CEP250: variants seen among roughly 807,000 people sequenced by gnomAD.
The protein encoded by CEP250 is centrosome-associated protein CEP250.
A neutral mutation model predicts 315.7 loss-of-function variants in CEP250; 242 were observed. The observed-to-expected ratio is 0.77, with a 90% CI of 0.69 to 0.85. The LOEUF (loss-of-function observed/expected upper bound fraction) is 0.85. CEP250 is among the 40% of genes least tolerant of loss of function. The pLI, the probability that CEP250 is intolerant of heterozygous loss-of-function variation, is 0.00. For missense variants in CEP250, 2,515 were observed against 2,886.4 expected, an observed-to-expected ratio of 0.87 and a Z score of 2.95; for synonymous variants, 1,088 against 1,175.0, an observed-to-expected ratio of 0.93 and a Z score of 1.51.
rs774562905 is a variant in CEP250 at position 35,491,285 on chromosome 20, A to G, written c.2828A>G (p.Asp943Gly). 5 of 1,605,698 alleles carry G rather than the reference A, an allele frequency of 3.1e-6. No individual in the cohort carries two copies. The Admixed American group carries it at 8.5e-5, about 27-fold the overall frequency. ...CTGCAGACGCAGAAGGAGCTAGCAG[A>G]TGCCAGCCAACAACTGGAACGACTG... ...TLLQTQKELADASQQLERLRQ... is the reference protein window; with the variant it reads ...TLLQTQKELAGASQQLERLRQ... The change falls in exon 22 of 35, where the codon GAT (aspartate) becomes GGT (glycine). Residue 943 changes from aspartate (D) to glycine (G), a missense_variant. Physicochemically the swap from Asp to Gly is moderately conservative, Grantham distance 94. Coordinates refer to ENST00000397527, the MANE Select transcript of CEP250 (RefSeq NM_007186.6).
chr20:35,470,242 A>G (rs1007312316), intron 10 of CEP250: 4 of 497,070 alleles, frequency 8.0e-6, no homozygotes, highest in Middle Eastern at 5.1e-4. Flanking sequence ...TGTCCTTACC[A>G]GAGAATTGGC....
chr20:35,507,735 T>C lies in CEP250; in HGVS notation c.6637-3T>C. The stretch of plus-strand genomic sequence containing the variant: ...GATTTTGCTCCATACCTCCGTACCC[T>C]AGGATGAACTGGAGCTCACCAGACG... On this transcript the variant is annotated splice_polypyrimidine_tract_variant and splice_region_variant and intron_variant, in intron 30 of 34. Transcript: ENST00000397527. 1.9e-6 allele frequency: 3 copies of C among 1,552,542 alleles called. No homozygotes were observed. Among genetic ancestry groups the C allele is most frequent in the South Asian group, 1.2e-5 (1 of 84,296 alleles).
intron 14 of CEP250, among the ~76,000 whole-genome samples, chr20:35,475,133 G>A (rs2063134179): frequency 1.3e-5 from 2 of 152,154 alleles, no homozygotes; most frequent in South Asian, 2.1e-4. Context: ...AGGAGTTTGA[G>A]GCTTCAGTGA....
rs2064237509 is a variant in CEP250, at chr20:35,507,920, C to T, written c.6750+69C>T. 3.1e-6 allele frequency: 5 copies of T among 1,595,662 alleles called. No homozygotes were observed. In the East Asian group the frequency reaches 8.9e-5, roughly 29 times the overall value. ...TCCTGTCCAGGGGTTTGTCCCCTTC[C>T]CTTGGGAACTGGGTTCCTGAAGCTT... On this transcript the variant is annotated intron_variant, in intron 31 of 34. Transcript: ENST00000397527.
rs78366294 is a variant in CEP250, at chr20:35,476,143, C to T, written c.1717-306C>T. ...CTTAATCGTCAACTCCTCTACCAAG[C>T]ATATTTGACTCTTCCAAACTATATT... On this transcript the variant is annotated intron_variant, in intron 15 of 34. Coordinates refer to ENST00000397527, the MANE Select transcript of CEP250 (RefSeq NM_007186.6). 8.9e-3 allele frequency: 2,434 copies of T among 273,826 alleles called. 43 individuals are homozygous for T. The highest frequency in any genetic ancestry group is 0.049 in the African/African-American group (2,238 of 45,906). 17.0% of individuals were successfully genotyped at this position (273,826 alleles called of 1,614,324 possible).
At chr20:35,470,596 A>T (rs187098253) in intron 10 of CEP250, among the ~76,000 whole-genome samples, 18 of 152,142 alleles carry the variant, frequency 1.2e-4, no homozygotes, top group Admixed American at 7.2e-4. Flanking sequence ...CTAAAAAAAT[A>T]AAAAAAATTA....
At chr20:35,486,655 A>AT (rs1297381977) in intron 20 of CEP250, among the ~76,000 whole-genome samples, 1 of 152,028 alleles carries the variant, frequency 6.6e-6, no homozygotes, top group Non-Finnish European at 1.5e-5. Context: ...ATTTTTTGCG[A>AT]TTTCGTAGCT....
intron 20 of CEP250, among the ~76,000 whole-genome samples, chr20:35,486,570 G>A (rs2063520711): frequency 6.6e-6 from 1 of 152,038 alleles, no homozygotes; most frequent in African/African-American, 2.4e-5. Flanking sequence ...TTTGCTTTTG[G>A]CTTCTGTGGA....
intron 23 of CEP250, 53 bp downstream of exon 23, chr20:35,493,625 C>T (rs2063758693): frequency 6.9e-7 from 1 of 1,449,602 alleles, no homozygotes; most frequent in Admixed American, 2.6e-5. Flanking sequence ...CACAGCCAGG[C>T]TTTCCCACTT....
chr20:35,499,378 C>T (rs941645794), intron 27 of CEP250, among the ~76,000 whole-genome samples: 1 of 152,130 alleles, frequency 6.6e-6, no homozygotes, highest in Admixed American at 6.6e-5. Flanking sequence ...CAAGAGAAAC[C>T]CTAGAAATCA....
intron 14 of CEP250, 26 bp from the exon 15 acceptor site, chr20:35,475,476 C>G (rs1325483790): frequency 6.2e-7 from 1 of 1,613,002 alleles, no homozygotes; most frequent in Non-Finnish European, 8.5e-7. Flanking sequence ...AAGAGTTCCT[C>G]TAGACCCCTC....
intron 3 of CEP250, among the ~76,000 whole-genome samples, chr20:35,461,717 C>T (rs2062760590): frequency 1.3e-5 from 2 of 152,052 alleles, no homozygotes; most frequent in South Asian, 2.1e-4. Flanking sequence ...TATAATAGTA[C>T]GTTTGGTGAA....
chr20:35,509,853 T>C (rs2064305340), intron 33 of CEP250, 145 bp from the exon 34 acceptor site: 3 of 726,466 alleles, frequency 4.1e-6, no homozygotes, highest in Non-Finnish European at 7.4e-6. Flanking sequence ...TGCTGCCCCA[T>C]AGACGTCCAG....
chr20:35,506,934 A>G (rs1341465281), intron 30 of CEP250, among the ~76,000 whole-genome samples: 1 of 152,140 alleles, frequency 6.6e-6, no homozygotes, highest in Non-Finnish European at 1.5e-5. Flanking sequence ...CTTCCCACCC[A>G]TACTCTTGGG....
intron 32 of CEP250, among the ~76,000 whole-genome samples, 195 bp downstream of exon 32, chr20:35,508,385 G>A (rs1027179507): frequency 1.3e-5 from 2 of 151,418 alleles, no homozygotes; most frequent in Admixed American, 1.3e-4. Flanking sequence ...TACGATCTCC[G>A]CTCACTGCAA....
rs11399738 is a variant in CEP250, at chr20:35,517,752, C to CA, written c.*6142dup. On this transcript the variant is annotated 3_prime_UTR_variant, in exon 35 of 35. Coordinates refer to ENST00000397527, the MANE Select transcript of CEP250 (RefSeq NM_007186.6). ...GAGTGATAAAAGTGAGACCCTGTCT[C>CA]AAAAAAAAAAAAAAAATTAAAGAAG... 42,079 of 122,352 alleles carry CA rather than the reference C, an allele frequency of 0.34. 6,781 individuals are homozygous for CA. Among genetic ancestry groups the CA allele is most frequent in the South Asian group, 0.52 (2,079 of 4,030 alleles). The allele number at this position is 122,352 out of a possible 1,614,324, so 7.6% of individuals were successfully genotyped here.
rs186782387 is a variant in CEP250 at position 35,477,299 on chromosome 20, C to T, written c.1864-572C>T. On this transcript the variant is annotated intron_variant, in intron 16 of 34. Transcript: ENST00000397527. ...TGCTAGGATTACAGGCGTGAGCCAC[C>T]ACACTTGGCTGCCCTGGGCTAGTTT... Among the ~76,000 whole-genome samples the T allele has an allele frequency of 2.9e-3, 441 of 152,208 alleles. 4 individuals carry two copies. Among genetic ancestry groups the T allele is most frequent in the Non-Finnish European group, 5.4e-3 (369 of 68,008 alleles).
Position 35,472,716 on chromosome 20 carries a change from A to T in CEP250, c.1094A>T (p.His365Leu). The T allele has an allele frequency of 6.2e-7, 1 of 1,614,210 alleles. No homozygotes were observed. The highest frequency in any genetic ancestry group is 8.5e-7 in the Non-Finnish European group (1 of 1,180,022). The stretch of plus-strand genomic sequence containing the variant: ...GACAATATAGCCCAAGGCTCTGGTC[A>T]TGAGAACTCTTTGGAATTGGACTCT... The part of the protein sequence containing the change: ...EGDNIAQGSG[H>L]ENSLELDSSI... The change falls in exon 12 of 35, where the codon CAT (histidine) becomes CTT (leucine). Residue 365 changes from histidine to leucine, a missense_variant. Transcript: ENST00000397527.
intron 11 of CEP250, 42 bp downstream of exon 11, chr20:35,472,193 C>A (rs553115275): frequency 1.2e-5 from 14 of 1,169,034 alleles, no homozygotes; most frequent in Non-Finnish European, 1.8e-5. Flanking sequence ...GGTTATGCCT[C>A]CACTCCCCAG....
Sources: allele counts gnomAD v4.1 joint callset (sites outside exome capture counted in the v4.1 genomes callset), GRCh38; gene constraint gnomAD v4.1.1; transcripts MANE v1.5; gene names NCBI Gene and HGNC (gene_info 2026-07-23, HGNC 2026-07-21).